The following TMEM233 variants were observed in gnomAD, a reference collection of about 807,000 sequenced individuals.
TMEM233 encodes transmembrane protein 233, also known as dispanin subfamily B member 2.
Under a neutral mutation model 11.2 loss-of-function variants are expected in TMEM233, and 6 were observed. The observed-to-expected ratio is 0.54, with a 90% CI of 0.29 to 1.06. The LOEUF is 1.06. Ranked by LOEUF, TMEM233 falls within the 50% of genes least tolerant of loss-of-function variation. The probability of loss-of-function intolerance (pLI) is 0.08; values close to 1 mark genes in which losing one functional copy is unlikely to be tolerated. For synonymous variants in TMEM233, 59 were observed against 55.8 expected, an observed-to-expected ratio of 1.06 and a Z score of -0.26; for missense variants, 127 against 144.7, an observed-to-expected ratio of 0.88 and a Z score of 0.63.
rs549078227 is a variant in TMEM233, at chr12:119,624,786, G to A, written c.187-4950G>A. Among the ~76,000 whole-genome samples the A allele has an allele frequency of 1.1e-3, 168 of 152,246 alleles. 1 individual carries two copies. Among genetic ancestry groups the A allele is most frequent in the Non-Finnish European group, 3.1e-4 (21 of 68,030 alleles). ...GTCATGGTTGCACAGCAATGCGAAT[G>A]TACATAATGCCACTAAACAGTATAC... is the stretch of plus-strand genomic sequence containing the variant. On this transcript the variant is annotated intron_variant, in intron 1 of 2. Coordinates refer to ENST00000426426, the MANE Select transcript of TMEM233 (RefSeq NM_001136534.3).
At chr12:119,606,046 T>C (rs1051718482) in intron 1 of TMEM233, among the ~76,000 whole-genome samples, 1 of 152,170 alleles carries the variant, frequency 6.6e-6, no homozygotes, top group Non-Finnish European at 1.5e-5. Flanking sequence ...CTTTTAGGTG[T>C]AGAAACAGGA....
chr12:119,626,523 GGGAGAAGGGAGA>G, intron 1 of TMEM233, among the ~76,000 whole-genome samples: 1 of 58,820 alleles, frequency 1.7e-5, no homozygotes, highest in African/African-American at 7.1e-5. Context: ...AGGAGGAGAA[GGGAGAAGGGAGA>G]AGGGAGAAGA....
chr12:119,631,713 C>G (rs1954890571), intron 2 of TMEM233: 1 of 962,448 alleles, frequency 1.0e-6, no homozygotes, highest in African/African-American at 1.8e-5. Flanking sequence ...CTGCCTGGAC[C>G]CAGGTCCCAG....
At chr12:119,650,630 TG>T in the TMEM233 span, among the ~76,000 whole-genome samples, 6 of 8,224 alleles carry the variant, frequency 7.3e-4, no homozygotes, top group Non-Finnish European at 1.4e-3. Flanking sequence ...TATTTGATTT[TG>T]TTGTTGTTGT....
intron 1 of TMEM233, among the ~76,000 whole-genome samples, chr12:119,628,632 T>C (rs1028710611): frequency 6.6e-6 from 1 of 151,400 alleles, no homozygotes; most frequent in Non-Finnish European, 1.5e-5. Flanking sequence ...CCCAAGTAGC[T>C]GGGACTATAG....
intron 1 of TMEM233, among the ~76,000 whole-genome samples, chr12:119,628,690 C>T (rs1255668928): frequency 7.9e-5 from 12 of 151,478 alleles, no homozygotes; most frequent in Non-Finnish European, 1.6e-4. Context: ...TTAGTAGAGA[C>T]GGGGTTTCAC....
intron 2 of TMEM233, among the ~76,000 whole-genome samples, chr12:119,640,441 C>T (rs895772798): frequency 1.3e-5 from 2 of 152,180 alleles, no homozygotes; most frequent in Non-Finnish European, 2.9e-5. Context: ...CAGGCGTGAG[C>T]CACCATGCCT....
At chr12:119,604,985 C>T (rs1954240252) in intron 1 of TMEM233, among the ~76,000 whole-genome samples, 1 of 134,570 alleles carries the variant, frequency 7.4e-6, no homozygotes. Flanking sequence ...TAATTTCCTT[C>T]TTCCCTCACT....
At chr12:119,628,996 C>T (rs574620050) in intron 1 of TMEM233, among the ~76,000 whole-genome samples, 1 of 152,250 alleles carries the variant, frequency 6.6e-6, no homozygotes, top group Non-Finnish European at 1.5e-5. Context: ...GCCCATGGGC[C>T]ATGATTTGCA....
At chr12:119,604,042 C>A (rs1468185244) in intron 1 of TMEM233, among the ~76,000 whole-genome samples, 2 of 152,240 alleles carry the variant, frequency 1.3e-5, no homozygotes, top group Admixed American at 1.3e-4. Context: ...ACACTGCAGA[C>A]CAGTTGGTCC....
At chr12:119,604,812 T>G (rs979293109) in intron 1 of TMEM233, among the ~76,000 whole-genome samples, 2 of 152,096 alleles carry the variant, frequency 1.3e-5, no homozygotes, top group African/African-American at 4.8e-5. Context: ...TTTTAATTAT[T>G]TTTTAGAAAC....
intron 2 of TMEM233, among the ~76,000 whole-genome samples, chr12:119,633,996 C>T (rs955117995): frequency 6.6e-5 from 10 of 152,226 alleles, no homozygotes; most frequent in African/African-American, 9.6e-5. Context: ...GATTCAGATG[C>T]AGGTGGCGGG....
At chr12:119,651,662 CA>C in the TMEM233 span, among the ~76,000 whole-genome samples, 114,667 of 142,466 alleles carry the variant, frequency 0.8, 45,902 homozygotes, top group Middle Eastern at 0.85. Flanking sequence ...ACTAAATATA[CA>C]AAAAAAAAAA....
chr12:119,626,008 T>C (rs553635458), intron 1 of TMEM233, among the ~76,000 whole-genome samples: 11 of 152,318 alleles, frequency 7.2e-5, no homozygotes, highest in East Asian at 5.8e-4. Context: ...TTCATCTAGT[T>C]TTCTTTAATC....
At chr12:119,653,050 A>T in the TMEM233 span, among the ~76,000 whole-genome samples, 1 of 152,214 alleles carries the variant, frequency 6.6e-6, no homozygotes. Context: ...GAGAAAGATA[A>T]TAGAATCCAG....
At chr12:119,611,217 T>G (rs1158149166) in intron 1 of TMEM233, among the ~76,000 whole-genome samples, 1 of 150,228 alleles carries the variant, frequency 6.7e-6, no homozygotes, top group Non-Finnish European at 1.5e-5. Flanking sequence ...TTGGGTGGTA[T>G]GATAACAATA....
At chr12:119,638,503 G>C (rs1955010931) in intron 2 of TMEM233, among the ~76,000 whole-genome samples, 1 of 151,954 alleles carries the variant, frequency 6.6e-6, no homozygotes, top group Non-Finnish European at 1.5e-5. Context: ...CAATGCCCAG[G>C]GCCCACCCTG....
chr12:119,598,766 G>A (rs1441915331), intron 1 of TMEM233, among the ~76,000 whole-genome samples: 1 of 152,198 alleles, frequency 6.6e-6, no homozygotes. Context: ...ATGATTTTAT[G>A]CAAGTGCCTC....
At chr12:119,619,453 C>A (rs1363170421) in intron 1 of TMEM233, among the ~76,000 whole-genome samples, 1 of 151,994 alleles carries the variant, frequency 6.6e-6, no homozygotes, top group Non-Finnish European at 1.5e-5. Flanking sequence ...CCAGCCTGGG[C>A]AACATGGCAC....
Sources: allele counts gnomAD v4.1 joint callset (sites outside exome capture counted in the v4.1 genomes callset), GRCh38; gene constraint gnomAD v4.1.1; transcripts MANE v1.5; gene names NCBI Gene and HGNC (gene_info 2026-07-23, HGNC 2026-07-21).